The following NDFIP2 variants were observed in gnomAD, a reference collection of about 807,000 sequenced individuals.
NDFIP2 encodes the protein NEDD4 family-interacting protein 2.
NDFIP2 carries 19 observed loss-of-function variants against 36.0 expected under a neutral mutation model. That is an observed-to-expected ratio of 0.53 (90% CI 0.37 to 0.77). NDFIP2 has a LOEUF of 0.77. Ranked by LOEUF, NDFIP2 falls within the 30% of genes least tolerant of loss-of-function variation. NDFIP2 has a pLI of 0.00. For synonymous variants in NDFIP2, 181 were observed against 167.7 expected (o/e 1.08, Z -0.61); for missense variants, 446 against 435.8 (o/e 1.02, Z -0.21).
At position 79,520,843 on chromosome 13, in the gene NDFIP2, G is replaced by C. The variant is rs532345659; in HGVS notation, c.355G>C (p.Ala119Pro). ...LNEEDNSESS[A>P]IEQPPTSNPA... ...TGAAGAGGATAACTCAGAATCATCG[G>C]CTATAGAGCAGCCACCTACTTCAAA... The change falls in exon 2 of 8, where the codon GCT (alanine) becomes CCT (proline). Residue 119 changes from alanine (A) to proline (P), a missense_variant. Coordinates refer to ENST00000218652, the MANE Select transcript of NDFIP2 (RefSeq NM_019080.3). 13 of 1,613,560 alleles carry C rather than the reference G, an allele frequency of 8.1e-6. No individual in the cohort carries two copies. The South Asian group carries it at 1.4e-4, about 18-fold the overall frequency.
intron 1 of NDFIP2, among the ~76,000 whole-genome samples, chr13:79,518,472 C>T (rs1874436122): frequency 6.6e-6 from 1 of 152,120 alleles, no homozygotes; most frequent in Non-Finnish European, 1.5e-5. Context: ...ATGGAAAAAG[C>T]AATGTGTAGT....
At position 79,541,967 on chromosome 13, in the gene NDFIP2, C is replaced by CT. The variant is rs1391869319; in HGVS notation, c.716-1587dup. The stretch of plus-strand genomic sequence containing the variant: ...AAAAGAAGAAATGTTTGTAATAATG[C>CT]TTTTGCTTCTCAAAATCCTTTTAAA... On this transcript the variant is annotated intron_variant, in intron 4 of 7. Transcript: ENST00000218652. Among the ~76,000 whole-genome samples, 12 of 152,260 alleles carry CT rather than the reference C, an allele frequency of 7.9e-5. 2 individuals are homozygous for CT. The highest frequency in any genetic ancestry group is 2.9e-4 in the African/African-American group (12 of 41,570).
chr13:79,521,058 G>A (rs1874559403), intron 2 of NDFIP2, 83 bp downstream of exon 2: 1 of 1,195,234 alleles, frequency 8.4e-7, no homozygotes. Flanking sequence ...GTCTGTTAAT[G>A]GGCTTATAAA....
intron 2 of NDFIP2, 26 bp downstream of exon 2, chr13:79,521,001 A>T: frequency 6.6e-7 from 1 of 1,521,192 alleles, no homozygotes. Flanking sequence ...TAATGTTTTT[A>T]TTAGTTCTTT....
chr13:79,504,877 C>T (rs1025397144), intron 1 of NDFIP2, among the ~76,000 whole-genome samples: 1 of 152,084 alleles, frequency 6.6e-6, no homozygotes, highest in East Asian at 1.9e-4. Context: ...TCATTTATAT[C>T]AGTATGAATT....
chr13:79,518,681 T>C (rs1874445578), intron 1 of NDFIP2, among the ~76,000 whole-genome samples: 1 of 152,210 alleles, frequency 6.6e-6, no homozygotes. Context: ...CCAAATATTA[T>C]TTTACAAGCC....
chr13:79,551,018 C>T lies in NDFIP2; in HGVS notation c.909C>T (p.Gly303=). Residue 303 remains glycine, a splice_region_variant and synonymous_variant, in exon 7 of 8, where the codon GGC becomes GGT. Coordinates refer to ENST00000218652, the MANE Select transcript of NDFIP2 (RefSeq NM_019080.3). Reference sequence around the variant, plus strand: ...TCCATATTATTTCAACCTTCTCAGGCCTGCTCCTTTTCTTCAGAGGATTTG... The same window carrying T: ...TCCATATTATTTCAACCTTCTCAGGTCTGCTCCTTTTCTTCAGAGGATTTG... ...YWLWWIFLVL[G]LLLFFRGFVN... is the part of the protein sequence containing the mutation. The T allele has an allele frequency of 1.3e-6, 2 of 1,588,180 alleles. No homozygotes were observed. Among genetic ancestry groups the T allele is most frequent in the Non-Finnish European group, 1.7e-6 (2 of 1,164,396 alleles).
chr13:79,516,398 T>G (rs768909448), intron 1 of NDFIP2, among the ~76,000 whole-genome samples: 1 of 152,020 alleles, frequency 6.6e-6, no homozygotes, highest in Non-Finnish European at 1.5e-5. Flanking sequence ...GGTCTACTTA[T>G]TATTTGTAGA....
intron 1 of NDFIP2, among the ~76,000 whole-genome samples, chr13:79,501,426 C>T (rs74098285): frequency 0.012 from 1,776 of 152,062 alleles, 38 homozygotes; most frequent in African/African-American, 0.041. Context: ...TATGGGAAAG[C>T]TCTGTACCTT....
At chr13:79,543,747 G>A in intron 5 of NDFIP2, 65 bp downstream of exon 5, 1 of 1,567,846 alleles carries the variant, frequency 6.4e-7, no homozygotes, top group African/African-American at 1.4e-5. Context: ...TTTTCTGTGT[G>A]GTTCATAAAT....
chr13:79,541,061 C>G (rs921821302), intron 4 of NDFIP2, among the ~76,000 whole-genome samples: 1 of 152,036 alleles, frequency 6.6e-6, no homozygotes, highest in East Asian at 1.9e-4. Context: ...AAACTTCTCA[C>G]AGTTTGTTTA....
In NDFIP2 at chr13:79,554,131, G is replaced by A. The variant is rs908402365; in HGVS notation, c.*1618G>A. ...TTTGTCTCATTCAGTTTACTTTCCTGCGTAGAATTTTTATTGTTATATTAA... is the reference window on the plus strand; with the variant it reads ...TTTGTCTCATTCAGTTTACTTTCCTACGTAGAATTTTTATTGTTATATTAA... On this transcript the variant is annotated 3_prime_UTR_variant, in exon 8 of 8. Coordinates refer to ENST00000218652, the MANE Select transcript of NDFIP2 (RefSeq NM_019080.3). 1 of 151,174 alleles carries A rather than the reference G, an allele frequency of 6.6e-6. No homozygotes were observed. Among genetic ancestry groups the A allele is most frequent in the East Asian group, 1.9e-4 (1 of 5,180 alleles). The allele number at this position is 151,174 out of a possible 1,614,324, so 9.4% of individuals were successfully genotyped here.
Position 79,555,174 on chromosome 13 carries a change from A to G in NDFIP2, c.*2661A>G, listed in dbSNP as rs1876063743. The G allele has an allele frequency of 6.6e-6, 1 of 150,592 alleles. No individual in the cohort carries two copies. The highest frequency in any genetic ancestry group is 6.7e-5 in the Admixed American group (1 of 14,992). 9.3% of individuals were successfully genotyped at this position (150,592 alleles called of 1,614,324 possible). ...TTCCAGTAAAACCTCTCCTAACAGG[A>G]AAAGTGGAGTTCAAAATATCCAATT... On this transcript the variant is annotated 3_prime_UTR_variant, in exon 8 of 8. Transcript: ENST00000218652.
At chr13:79,530,710 G>T (rs1874981555) in intron 2 of NDFIP2, among the ~76,000 whole-genome samples, 1 of 152,164 alleles carries the variant, frequency 6.6e-6, no homozygotes, top group Non-Finnish European at 1.5e-5. Context: ...AGAAGCAACT[G>T]TTCATTCATT....
At chr13:79,530,407 G>A (rs1363958145) in intron 2 of NDFIP2, among the ~76,000 whole-genome samples, 1 of 152,188 alleles carries the variant, frequency 6.6e-6, no homozygotes, top group Non-Finnish European at 1.5e-5. Flanking sequence ...GCCAGCTGCT[G>A]TGCCCAGCTC....
At chr13:79,481,728 C>T (rs1183102998) in intron 1 of NDFIP2, among the ~76,000 whole-genome samples, 2 of 152,170 alleles carry the variant, frequency 1.3e-5, no homozygotes, top group African/African-American at 4.8e-5. Flanking sequence ...ACCCTTCTCT[C>T]TCGCCCCAAG....
At position 79,555,937 on chromosome 13, in the gene NDFIP2, C is replaced by T. The variant is rs1213718215; in HGVS notation, c.*3424C>T. On this transcript the variant is annotated 3_prime_UTR_variant, in exon 8 of 8. Coordinates refer to ENST00000218652, the MANE Select transcript of NDFIP2 (RefSeq NM_019080.3). ...CTCACTAAACTGTTTATGTGACAAA[C>T]CTTTCAAGATTGGAGATGAAAACAA... is the stretch of plus-strand genomic sequence containing the variant. 1.3e-5 allele frequency: 2 copies of T among 152,092 alleles called. No homozygotes were observed. The highest frequency in any genetic ancestry group is 4.8e-5 in the African/African-American group (2 of 41,414). The allele number at this position is 152,092 out of a possible 1,614,324, so 9.4% of individuals were successfully genotyped here. A position where few individuals can be genotyped will look rare whatever the true frequency, so the allele number is the denominator to read the frequency against.
At chr13:79,481,602 C>A in intron 1 of NDFIP2, 78 bp downstream of exon 1, 1 of 1,439,224 alleles carries the variant, frequency 6.9e-7, no homozygotes, top group Non-Finnish European at 9.3e-7. Context: ...TCAGGTTATT[C>A]CCGGAGGAAA....
Position 79,553,344 on chromosome 13 carries a change from T to G in NDFIP2, c.*831T>G, listed in dbSNP as rs1317166975. 1.3e-5 allele frequency: 2 copies of G among 151,306 alleles called. No homozygotes were observed. Among genetic ancestry groups the G allele is most frequent in the Non-Finnish European group, 3.0e-5 (2 of 67,374 alleles). 9.4% of individuals were successfully genotyped at this position (151,306 alleles called of 1,614,324 possible). On this transcript the variant is annotated 3_prime_UTR_variant, in exon 8 of 8. Transcript: ENST00000218652. The stretch of plus-strand genomic sequence containing the variant: ...TTTTATTTTAAGGGACATACTAGTT[T>G]TAGGGATTTTCAGATGGGAAGCTGC...
Sources: gnomAD v4.1 joint callset for allele counts (sites outside exome capture counted in the v4.1 genomes callset) on GRCh38, gnomAD v4.1.1 for gene constraint, MANE v1.5 for transcripts, NCBI Gene and HGNC (gene_info 2026-07-23, HGNC 2026-07-21) for gene names.